The following BNC2 variants were observed in gnomAD, a reference collection of about 807,000 sequenced individuals.
The protein encoded by BNC2 is zinc finger protein basonuclin-2.
Under a neutral mutation model 76.3 loss-of-function variants are expected in BNC2, and 20 were observed. The ratio of observed to expected loss-of-function variants is 0.26; its 90% CI spans 0.18 to 0.38. The LOEUF is 0.38. Among genes scored for constraint, BNC2 ranks in the 10% least tolerant of loss-of-function variants. The pLI is 1.00. For synonymous variants in BNC2, 582 were observed against 514.8 expected (o/e 1.13, Z -1.77); for missense variants, 1,382 against 1,399.8 (o/e 0.99, Z 0.20).
At chr9:16,583,995 G>A (rs1819700933) in intron 3 of BNC2, among the ~76,000 whole-genome samples, 1 of 152,180 alleles carries the variant, frequency 6.6e-6, no homozygotes, top group African/African-American at 2.4e-5. Flanking sequence ...TAAGAATAGT[G>A]CTAAAGCTGA....
At chr9:16,802,775 T>G (rs908452861) in intron 1 of BNC2, among the ~76,000 whole-genome samples, 1 of 152,212 alleles carries the variant, frequency 6.6e-6, no homozygotes. Context: ...TTTTCAGACC[T>G]AGAGATTCTG....
chr9:16,601,999 T>C (rs746913316), intron 3 of BNC2, among the ~76,000 whole-genome samples: 9 of 152,184 alleles, frequency 5.9e-5, no homozygotes, highest in Non-Finnish European at 1.3e-4. Context: ...TGGAGCCATA[T>C]ACAGCAATCA....
chr9:16,740,374 A>C (rs80087905), intron 1 of BNC2, among the ~76,000 whole-genome samples: 4,938 of 152,176 alleles, frequency 0.032, 190 homozygotes, highest in East Asian at 0.086. Context: ...TTAAATGGTA[A>C]CTCTAGTCTT....
At chr9:16,522,955 T>C (rs1274948636) in intron 5 of BNC2, among the ~76,000 whole-genome samples, 3 of 152,082 alleles carry the variant, frequency 2.0e-5, no homozygotes, top group Admixed American at 1.3e-4. Flanking sequence ...CTAAGCCTCA[T>C]AAAGAAAGCT....
chr9:16,718,672 A>T (rs1824059917), intron 3 of BNC2, among the ~76,000 whole-genome samples: 2 of 152,228 alleles, frequency 1.3e-5, no homozygotes. Context: ...GAGTTTCACC[A>T]AAAAGCTATA....
intron 5 of BNC2, among the ~76,000 whole-genome samples, chr9:16,464,642 T>A (rs925867168): frequency 1.3e-5 from 2 of 152,136 alleles, no homozygotes; most frequent in African/African-American, 4.8e-5. Context: ...GTCTTTAATT[T>A]TTGTCTCGGG....
chr9:16,522,423 C>T (rs920468121), intron 5 of BNC2, among the ~76,000 whole-genome samples: 12 of 152,152 alleles, frequency 7.9e-5, no homozygotes, highest in Admixed American at 1.3e-4. Context: ...CCATTGCTGT[C>T]GGGTTTTTGT....
chr9:16,470,646 T>C (rs1360474384), intron 5 of BNC2, among the ~76,000 whole-genome samples: 1 of 152,212 alleles, frequency 6.6e-6, no homozygotes, highest in African/African-American at 2.4e-5. Context: ...ACATACAGCT[T>C]GGGCTGTGGC....
At chr9:16,663,480 G>C (rs1822174769) in intron 3 of BNC2, among the ~76,000 whole-genome samples, 1 of 152,020 alleles carries the variant, frequency 6.6e-6, no homozygotes, top group Non-Finnish European at 1.5e-5. Flanking sequence ...TTACCAAGAA[G>C]GTTATGTATT....
chr9:16,414,971 C>G lies in BNC2; in HGVS notation c.*4018G>C, dbSNP rs1820554514. ...AATGTATAATAATGGGGCTGTTAAC[C>G]AGTTAAGTGCCTTTCTCCTCTTACT... On this transcript the variant is annotated 3_prime_UTR_variant, in exon 7 of 7. Coordinates refer to ENST00000380672, the MANE Select transcript of BNC2 (RefSeq NM_017637.6). 6.7e-6 allele frequency: 1 copy of G among 150,204 alleles called. No individual in the cohort carries two copies. The highest frequency in any genetic ancestry group is 1.5e-5 in the Non-Finnish European group (1 of 67,828). The allele number at this position is 150,204 out of a possible 1,614,324, so 9.3% of individuals were successfully genotyped here.
chr9:16,795,175 CT>C (rs1386189458), intron 1 of BNC2, among the ~76,000 whole-genome samples: 1 of 152,100 alleles, frequency 6.6e-6, no homozygotes, highest in African/African-American at 2.4e-5. Flanking sequence ...CTGCCTGCAT[CT>C]TTTCTCACTT....
intron 2 of BNC2, among the ~76,000 whole-genome samples, chr9:16,732,094 G>A (rs1231222752): frequency 7.1e-6 from 1 of 140,520 alleles, no homozygotes; most frequent in Non-Finnish European, 1.5e-5. Context: ...CGTTTAAAAT[G>A]TTACTGATCT....
intron 1 of BNC2, among the ~76,000 whole-genome samples, chr9:16,749,258 T>C (rs1487799518): frequency 1.3e-5 from 2 of 152,172 alleles, no homozygotes; most frequent in African/African-American, 4.8e-5. Context: ...ATAAGCACTC[T>C]CTTACAAAAG....
chr9:16,808,584 G>A (rs1205236308), intron 1 of BNC2, among the ~76,000 whole-genome samples: 1 of 140,402 alleles, frequency 7.1e-6, no homozygotes, highest in Non-Finnish European at 1.5e-5. Flanking sequence ...AACTTCCCAG[G>A]CTCAAGTGAT....
chr9:16,636,138 C>G (rs1300488379), intron 3 of BNC2, among the ~76,000 whole-genome samples: 1 of 152,002 alleles, frequency 6.6e-6, no homozygotes. Flanking sequence ...GATGAGTGAA[C>G]CAGCAGACAC....
At chr9:16,485,611 A>C (rs887299447) in intron 5 of BNC2, among the ~76,000 whole-genome samples, 1 of 152,168 alleles carries the variant, frequency 6.6e-6, no homozygotes, top group Non-Finnish European at 1.5e-5. Context: ...ATTAAAATTA[A>C]AAAGCACATT....
intron 1 of BNC2, among the ~76,000 whole-genome samples, chr9:16,801,758 A>T (rs1214454488): frequency 6.6e-6 from 1 of 151,710 alleles, no homozygotes; most frequent in Non-Finnish European, 1.5e-5. Context: ...ACACACACAG[A>T]AAAAATAAAA....
chr9:16,659,991 C>A (rs1822061532), intron 3 of BNC2, among the ~76,000 whole-genome samples: 1 of 152,204 alleles, frequency 6.6e-6, no homozygotes, highest in Non-Finnish European at 1.5e-5. Flanking sequence ...CAGTTAATAT[C>A]TGTATTCAGC....
intron 3 of BNC2, among the ~76,000 whole-genome samples, chr9:16,604,014 G>A (rs1271455678): frequency 6.6e-6 from 1 of 151,998 alleles, no homozygotes; most frequent in African/African-American, 2.4e-5. Flanking sequence ...AACTTTACAT[G>A]AGTTTGTATA....
Sources: allele counts gnomAD v4.1 joint callset (sites outside exome capture counted in the v4.1 genomes callset), GRCh38; gene constraint gnomAD v4.1.1; transcripts MANE v1.5; gene names NCBI Gene and HGNC (gene_info 2026-07-23, HGNC 2026-07-21).